NKAIN3: variants seen among roughly 807,000 people sequenced by gnomAD.
NKAIN3 encodes sodium/potassium transporting ATPase interacting 3.
NKAIN3 carries 25 observed loss-of-function variants against 30.2 expected under a neutral mutation model. That is an observed-to-expected ratio of 0.83 (90% confidence interval 0.60 to 1.16). NKAIN3 has a LOEUF of 1.16. Among genes scored for constraint, NKAIN3 ranks in the 50% most tolerant of loss-of-function variants. The probability of loss-of-function intolerance (pLI) is 0.00; values close to 1 mark genes in which losing one functional copy is unlikely to be tolerated. For synonymous variants in NKAIN3, 91 were observed against 89.6 expected (o/e 1.02, Z -0.09); for missense variants, 225 against 254.1 (o/e 0.89, Z 0.78).
At chr8:62,421,618 C>T (rs887115466) in intron 1 of NKAIN3, among the ~76,000 whole-genome samples, 1 of 151,422 alleles carries the variant, frequency 6.6e-6, no homozygotes, top group East Asian at 1.9e-4. Flanking sequence ...CTCTCTCTCT[C>T]TTTCTCTCTC....
intron 1 of NKAIN3, among the ~76,000 whole-genome samples, chr8:62,364,855 T>C (rs1045723025): frequency 8.2e-4 from 47 of 57,126 alleles, no homozygotes; most frequent in Admixed American, 1.7e-3. Context: ...AAAAAAATCA[T>C]CTATGGGATA....
intron 1 of NKAIN3, among the ~76,000 whole-genome samples, chr8:62,515,663 C>T (rs552432922): frequency 2.6e-5 from 4 of 152,194 alleles, no homozygotes; most frequent in Admixed American, 2.0e-4. Flanking sequence ...GATTGCTTTC[C>T]AGAAACGCTA....
intron 4 of NKAIN3, among the ~76,000 whole-genome samples, chr8:62,834,150 G>T (rs1041118542): frequency 4.6e-5 from 7 of 151,896 alleles, no homozygotes; most frequent in African/African-American, 1.4e-4. Context: ...AACACTCAAC[G>T]AATTAGGCTT....
At chr8:62,432,661 G>A (rs1475879636) in intron 1 of NKAIN3, among the ~76,000 whole-genome samples, 3 of 152,070 alleles carry the variant, frequency 2.0e-5, no homozygotes, top group Admixed American at 6.6e-5. Context: ...ATGCATCCCA[G>A]TCTAAACCCC....
At chr8:62,814,895 A>G (rs1022334349) in intron 4 of NKAIN3, among the ~76,000 whole-genome samples, 2 of 152,168 alleles carry the variant, frequency 1.3e-5, no homozygotes, top group African/African-American at 2.4e-5. Flanking sequence ...GCAGAACAGA[A>G]GGAAATAGAG....
At chr8:62,834,339 G>A (rs1000064725) in intron 4 of NKAIN3, among the ~76,000 whole-genome samples, 2 of 152,012 alleles carry the variant, frequency 1.3e-5, no homozygotes, top group Non-Finnish European at 2.9e-5. Context: ...AATCAGTCAA[G>A]AGAAATAAAT....
chr8:62,648,207 G>C (rs1012028633), intron 3 of NKAIN3, among the ~76,000 whole-genome samples: 3 of 152,110 alleles, frequency 2.0e-5, no homozygotes, highest in Non-Finnish European at 4.4e-5. Flanking sequence ...TGTAAGACAT[G>C]GATCCGTGTA....
At chr8:62,396,541 G>T (rs1817772127) in intron 1 of NKAIN3, among the ~76,000 whole-genome samples, 1 of 152,166 alleles carries the variant, frequency 6.6e-6, no homozygotes, top group African/African-American at 2.4e-5. Context: ...AGATACCAAT[G>T]TGTTTATCAT....
intron 3 of NKAIN3, among the ~76,000 whole-genome samples, chr8:62,631,671 G>A (rs761416830): frequency 1.3e-5 from 2 of 152,124 alleles, no homozygotes; most frequent in Non-Finnish European, 2.9e-5. Flanking sequence ...AGCTTCCAGA[G>A]ACTTCTGTTC....
At chr8:62,792,333 CAG>C (rs1231545821) in intron 4 of NKAIN3, among the ~76,000 whole-genome samples, 1 of 152,100 alleles carries the variant, frequency 6.6e-6, no homozygotes, top group Non-Finnish European at 1.5e-5. Context: ...ATTTCTCTAT[CAG>C]AGAGTCCATT....
At chr8:62,605,795 T>C (rs914819418) in intron 3 of NKAIN3, among the ~76,000 whole-genome samples, 1 of 152,078 alleles carries the variant, frequency 6.6e-6, no homozygotes, top group South Asian at 2.1e-4. Flanking sequence ...CCCTCAGATT[T>C]TGGTGTCTGC....
intron 3 of NKAIN3, among the ~76,000 whole-genome samples, chr8:62,672,166 G>A (rs1813324623): frequency 6.6e-6 from 1 of 152,200 alleles, no homozygotes; most frequent in Non-Finnish European, 1.5e-5. Context: ...TATTTCCACT[G>A]TAAATTAGGA....
At chr8:62,902,629 G>A (rs1355849206) in intron 4 of NKAIN3, among the ~76,000 whole-genome samples, 1 of 152,212 alleles carries the variant, frequency 6.6e-6, no homozygotes, top group East Asian at 1.9e-4. Flanking sequence ...TCGTAGTCAT[G>A]TGACACATTT....
intron 4 of NKAIN3, among the ~76,000 whole-genome samples, chr8:62,882,258 A>G (rs1821006153): frequency 6.6e-6 from 1 of 152,146 alleles, no homozygotes; most frequent in Admixed American, 6.5e-5. Context: ...AATTAAGTTC[A>G]GCTTATAAAT....
chr8:62,589,332 T>TA (rs1810580008), intron 2 of NKAIN3, among the ~76,000 whole-genome samples: 1 of 151,752 alleles, frequency 6.6e-6, no homozygotes, highest in African/African-American at 2.4e-5. Flanking sequence ...AAATATTCCT[T>TA]AAAATGTGAC....
intron 3 of NKAIN3, among the ~76,000 whole-genome samples, chr8:62,704,166 C>A (rs1814439901): frequency 6.6e-6 from 1 of 152,020 alleles, no homozygotes; most frequent in African/African-American, 2.4e-5. Flanking sequence ...ATTTTCTTAT[C>A]TTTTCTTTCT....
intron 1 of NKAIN3, among the ~76,000 whole-genome samples, chr8:62,551,627 T>C (rs550549511): frequency 4.5e-4 from 68 of 152,330 alleles, no homozygotes; most frequent in Admixed American, 1.3e-3. Context: ...GTTTGAACAG[T>C]TGTTTTGAGA....
chr8:62,874,221 A>G (rs1820728386), intron 4 of NKAIN3, among the ~76,000 whole-genome samples: 1 of 152,182 alleles, frequency 6.6e-6, no homozygotes, highest in African/African-American at 2.4e-5. Context: ...CAAATAAACT[A>G]GACAATCTAG....
At chr8:62,354,196 C>T (rs1816273505) in intron 1 of NKAIN3, among the ~76,000 whole-genome samples, 1 of 152,118 alleles carries the variant, frequency 6.6e-6, no homozygotes, top group Admixed American at 6.6e-5. Context: ...ACCATTCTTG[C>T]CATGGTTTTT....
Sources: allele counts gnomAD v4.1 joint callset (sites outside exome capture counted in the v4.1 genomes callset), GRCh38; gene constraint gnomAD v4.1.1; transcripts MANE v1.5; gene names NCBI Gene and HGNC (gene_info 2026-07-23, HGNC 2026-07-21).